UQCC1: variants seen among roughly 807,000 people sequenced by gnomAD.
The protein encoded by UQCC1 is bFGF-repressed Zic-binding protein.
UQCC1 carries 38 observed loss-of-function variants against 48.0 expected under a neutral mutation model. The ratio of observed to expected loss-of-function variants is 0.79; its 90% CI spans 0.61 to 1.04. The LOEUF (loss-of-function observed/expected upper bound fraction) is 1.04, where lower values mean the gene tolerates loss of function less well. UQCC1 is among the 50% of genes least tolerant of loss of function. The pLI, the probability that UQCC1 is intolerant of heterozygous loss-of-function variation, is 0.00. For synonymous variants in UQCC1, 111 were observed against 129.2 expected, an observed-to-expected ratio of 0.86 and a Z score of 0.95; for missense variants, 368 against 381.8, an observed-to-expected ratio of 0.96 and a Z score of 0.30.
chr20:35,362,354 C>CTTTTA (rs1052020507), intron 6 of UQCC1, among the ~76,000 whole-genome samples: 1 of 152,014 alleles, frequency 6.6e-6, no homozygotes, highest in Admixed American at 6.6e-5. Context: ...TGATATGAAA[C>CTTTTA]TTTTATTTTA....
intron 1 of UQCC1, among the ~76,000 whole-genome samples, chr20:35,398,468 T>C (rs1886691): frequency 0.54 from 81,437 of 151,988 alleles, 23,049 homozygotes; most frequent in East Asian, 0.72. Flanking sequence ...AGAAAGGCAT[T>C]AAATTTTTAA....
chr20:35,398,623 G>GA (rs2062115412), intron 1 of UQCC1, among the ~76,000 whole-genome samples: 2 of 152,136 alleles, frequency 1.3e-5, no homozygotes, highest in Non-Finnish European at 2.9e-5. Context: ...TTCCAAGTGA[G>GA]AGACAGTTAC....
intron 1 of UQCC1, among the ~76,000 whole-genome samples, chr20:35,403,991 A>G (rs1415079238): frequency 6.6e-6 from 1 of 151,542 alleles, no homozygotes; most frequent in Non-Finnish European, 1.5e-5. Flanking sequence ...TAATCCAAGC[A>G]CTTTGGGAGG....
intron 7 of UQCC1, chr20:35,346,763 GCCC>G: frequency 2.2e-6 from 1 of 451,576 alleles, no homozygotes; most frequent in Non-Finnish European, 4.0e-6. Context: ...GACAGTGCAG[GCCC>G]CATACCAGGG....
chr20:35,381,848 T>TA (rs1322502003), intron 4 of UQCC1, 70 bp downstream of exon 4: 2 of 936,174 alleles, frequency 2.1e-6, no homozygotes, highest in Admixed American at 2.3e-5. Context: ...GCAGAAGCTT[T>TA]AAAAAATCTA....
intron 1 of UQCC1, among the ~76,000 whole-genome samples, chr20:35,407,494 TGTATCAAAGAATA>T (rs2062270068): frequency 6.6e-6 from 1 of 151,898 alleles, no homozygotes; most frequent in Non-Finnish European, 1.5e-5. Context: ...AAAACTTTTG[TGTATCAAAGAATA>T]GTATCAACAG....
intron 6 of UQCC1, among the ~76,000 whole-genome samples, chr20:35,359,006 GA>G (rs554765621): frequency 2.0e-5 from 3 of 151,866 alleles, no homozygotes; most frequent in Admixed American, 6.6e-5. Context: ...GCAAAGTAAA[GA>G]AAAAAAGGAG....
At position 35,314,670 on chromosome 20, in the gene UQCC1, C is replaced by T; in HGVS notation, c.651+18G>A. On this transcript the variant is annotated intron_variant, in intron 8 of 9. Coordinates refer to ENST00000374385, the MANE Select transcript of UQCC1 (RefSeq NM_018244.5). Reference sequence around the variant, plus strand: ...GGGGAGGCCACCGTCCTGCCTAAGCCTTGGCAAACAATCTTACCTCATCAT... The same window carrying T: ...GGGGAGGCCACCGTCCTGCCTAAGCTTTGGCAAACAATCTTACCTCATCAT... 6.3e-7 allele frequency: 1 copy of T among 1,597,102 alleles called. No individual in the cohort carries two copies. The highest frequency in any genetic ancestry group is 8.6e-7 in the Non-Finnish European group (1 of 1,167,490).
chr20:35,310,172 G>A (rs2060974128), intron 8 of UQCC1, among the ~76,000 whole-genome samples: 1 of 152,218 alleles, frequency 6.6e-6, no homozygotes, highest in African/African-American at 2.4e-5. Context: ...TAGTGGGAAA[G>A]AGCCAGACCG....
intron 7 of UQCC1, among the ~76,000 whole-genome samples, chr20:35,330,881 G>A (rs1053732862): frequency 3.3e-5 from 5 of 151,754 alleles, no homozygotes; most frequent in Non-Finnish European, 5.9e-5. Flanking sequence ...GTGGAACTAA[G>A]TCTAACTCCA....
At chr20:35,309,424 C>A (rs1435130575) in intron 8 of UQCC1, among the ~76,000 whole-genome samples, 3 of 151,278 alleles carry the variant, frequency 2.0e-5, no homozygotes, top group Non-Finnish European at 2.9e-5. Context: ...CAGAGTGAGA[C>A]CCTGTCTTAG....
chr20:35,335,863 C>T (rs114888634), intron 7 of UQCC1, among the ~76,000 whole-genome samples: 2,830 of 152,256 alleles, frequency 0.019, 100 homozygotes, highest in African/African-American at 0.064. Context: ...AGCTAACTAA[C>T]TGGAGAAGCT....
In UQCC1 at chr20:35,374,181, T is replaced by C. The variant is rs1027626335; in HGVS notation, c.406+3A>G. ...TTTTCAGTACTATCAAACAATAACT[T>C]ACTTAGAAAGAATTCCTCGAAGTCA... On this transcript the variant is annotated splice_donor_region_variant and intron_variant, in intron 5 of 9. Transcript: ENST00000374385. 2.5e-6 allele frequency: 4 copies of C among 1,607,636 alleles called. No homozygotes were observed. Among genetic ancestry groups the C allele is most frequent in the Non-Finnish European group, 3.4e-6 (4 of 1,174,982 alleles).
intron 6 of UQCC1, among the ~76,000 whole-genome samples, chr20:35,347,596 A>C (rs963291216): frequency 1.3e-5 from 2 of 151,736 alleles, no homozygotes; most frequent in Admixed American, 1.3e-4. Context: ...TTAGAAGACA[A>C]ACAAGTCTGA....
intron 9 of UQCC1, among the ~76,000 whole-genome samples, chr20:35,305,774 A>G (rs772540239): frequency 3.3e-5 from 5 of 152,254 alleles, no homozygotes; most frequent in Non-Finnish European, 7.3e-5. Context: ...CATGAATACA[A>G]GTGAACAAGA....
At chr20:35,317,851 G>A (rs2146316495) in intron 7 of UQCC1, among the ~76,000 whole-genome samples, 1 of 152,288 alleles carries the variant, frequency 6.6e-6, no homozygotes, top group African/African-American at 2.4e-5. Flanking sequence ...CTTTCCCCCT[G>A]TTGAATACCT....
intron 1 of UQCC1, chr20:35,409,415 A>C (rs2062307382): frequency 6.1e-6 from 1 of 165,158 alleles, no homozygotes; most frequent in Admixed American, 6.0e-5. Flanking sequence ...GGTTGCAGTG[A>C]GCCAAGATCA....
intron 2 of UQCC1, among the ~76,000 whole-genome samples, chr20:35,389,457 G>A (rs1163044148): frequency 6.6e-6 from 1 of 152,110 alleles, no homozygotes; most frequent in Non-Finnish European, 1.5e-5. Flanking sequence ...AAGCTATTCA[G>A]GAGGCTGAGG....
intron 8 of UQCC1, among the ~76,000 whole-genome samples, chr20:35,314,011 C>A (rs550318441): frequency 7.9e-5 from 12 of 152,136 alleles, no homozygotes; most frequent in Non-Finnish European, 1.5e-4. Flanking sequence ...GTCACCCAGG[C>A]TAGAGTGCAG....
Sources: gnomAD v4.1 joint callset for allele counts (sites outside exome capture counted in the v4.1 genomes callset) on GRCh38, gnomAD v4.1.1 for gene constraint, MANE v1.5 for transcripts, NCBI Gene and HGNC (gene_info 2026-07-23, HGNC 2026-07-21) for gene names.